The following KCNMA1 variants were observed in gnomAD, a reference collection of about 807,000 sequenced individuals.
KCNMA1 encodes the protein Calcium-activated potassium channel subunit alpha-1.
In KCNMA1, 29 loss-of-function variants were observed where a neutral mutation model predicts 140.0. The observed-to-expected ratio is 0.21, with a 90% CI of 0.15 to 0.28. KCNMA1 has a LOEUF of 0.28. Ranked by LOEUF, KCNMA1 falls within the 10% of genes least tolerant of loss-of-function variation. KCNMA1 has a pLI of 1.00. For synonymous variants in KCNMA1, 612 were observed against 611.9 expected (o/e 1.00, Z 0.00); for missense variants, 880 against 1,602.2 (o/e 0.55, Z 7.70).
chr10:77,171,406 T>TGTGTGTGC lies in KCNMA1; in HGVS notation c.808+12014_808+12015insGCACACAC, dbSNP rs979384007. 2.8e-3 allele frequency among the ~76,000 whole-genome samples: 121 copies of TGTGTGTGC among 42,554 alleles called. 4 individuals carry two copies. In the South Asian group the frequency reaches 0.12, roughly 41 times the overall value. The allele number at this position is 42,554 out of a possible 152,430, so 27.9% of individuals were successfully genotyped here. The stretch of plus-strand genomic sequence containing the variant: ...GTGTGCGTGTGTGTGTGTGCGTGTG[T>TGTGTGTGC]GTGTGTGTGTGTGTGTGTGTGTGTG... On this transcript the variant is annotated intron_variant, in intron 5 of 27. Transcript: ENST00000286628.
In KCNMA1 at chr10:77,510,807, TA is replaced by T. The variant is rs573421982; in HGVS notation, c.379-106785del. 1.3e-3 allele frequency among the ~76,000 whole-genome samples: 196 copies of T among 151,944 alleles called. 1 individual carries two copies. The highest frequency in any genetic ancestry group is 4.1e-3 in the African/African-American group (168 of 41,454). Reference sequence around the variant, plus strand: ...GAAAGGCCCTGCTTCTTTAGAAAAATAAAAAAGGAGAAACCTATGTTTCTGA... The same window carrying T: ...GAAAGGCCCTGCTTCTTTAGAAAAATAAAAAGGAGAAACCTATGTTTCTGA... On this transcript the variant is annotated intron_variant, in intron 1 of 27. Transcript: ENST00000286628.
In KCNMA1 at chr10:77,326,157, C is replaced by T. The variant is rs145890220; in HGVS notation, c.541-74901G>A. Among the ~76,000 whole-genome samples, 312 of 152,278 alleles carry T rather than the reference C, an allele frequency of 2.0e-3. 1 individual carries two copies. The highest frequency in any genetic ancestry group is 7.0e-3 in the African/African-American group (291 of 41,552). On this transcript the variant is annotated intron_variant, in intron 2 of 27. Coordinates refer to ENST00000286628, the MANE Select transcript of KCNMA1 (RefSeq NM_001161352.2). ...TCTACAAATTGTCCCTGAGTCTAACCCACAACTTCCCTCACTGCAAAAATC... is the reference window on the plus strand; with the variant it reads ...TCTACAAATTGTCCCTGAGTCTAACTCACAACTTCCCTCACTGCAAAAATC...
At chr10:77,425,967 C>T (rs1402489102) in intron 1 of KCNMA1, among the ~76,000 whole-genome samples, 1 of 152,148 alleles carries the variant, frequency 6.6e-6, no homozygotes, top group Non-Finnish European at 1.5e-5. Flanking sequence ...CATCTCCAGA[C>T]CCCAGTACAA....
chr10:76,920,600 G>A (rs1417971558), intron 23 of KCNMA1, among the ~76,000 whole-genome samples: 1 of 152,158 alleles, frequency 6.6e-6, no homozygotes, highest in East Asian at 1.9e-4. Flanking sequence ...CAGTCCCTGT[G>A]TGTTTAGGGA....
intron 3 of KCNMA1, among the ~76,000 whole-genome samples, chr10:77,241,703 C>T (rs950440843): frequency 1.3e-5 from 2 of 152,014 alleles, no homozygotes; most frequent in Non-Finnish European, 2.9e-5. Flanking sequence ...ATCCCAACTA[C>T]TCAGGAGACT....
intron 1 of KCNMA1, among the ~76,000 whole-genome samples, chr10:77,597,265 C>T (rs2081212517): frequency 6.6e-6 from 1 of 152,104 alleles, no homozygotes; most frequent in African/African-American, 2.4e-5. Flanking sequence ...TAGATCTCAT[C>T]TCTCCTGCCT....
chr10:77,181,108 C>T (rs1384616917), intron 5 of KCNMA1, among the ~76,000 whole-genome samples: 2 of 152,188 alleles, frequency 1.3e-5, no homozygotes, highest in East Asian at 3.9e-4. Flanking sequence ...GCCCTTCCAT[C>T]ACCCAGGCCC....
At chr10:76,884,234 C>T (rs948356116), downstream of KCNMA1, 6 of 152,130 alleles carry the variant, frequency 3.9e-5, no homozygotes, top group African/African-American at 1.4e-4. Flanking sequence ...ACCATCAGCT[C>T]CCAGATAACT....
At position 77,267,393 on chromosome 10, in the gene KCNMA1, T is replaced by A. The variant is rs534962677; in HGVS notation, c.541-16137A>T. ...GCCCTGTATAAGAGGCAGAGCTTAG[T>A]CTCAAATCCAGGTCGGACTCCCTGC... On this transcript the variant is annotated intron_variant, in intron 2 of 27. Coordinates refer to ENST00000286628, the MANE Select transcript of KCNMA1 (RefSeq NM_001161352.2). 3.3e-5 allele frequency among the ~76,000 whole-genome samples: 5 copies of A among 152,302 alleles called. No individual in the cohort carries two copies. In the East Asian group the frequency reaches 9.7e-4, roughly 29 times the overall value.
chr10:77,597,259 T>A (rs1181673105), intron 1 of KCNMA1, among the ~76,000 whole-genome samples: 1 of 152,110 alleles, frequency 6.6e-6, no homozygotes, highest in African/African-American at 2.4e-5. Flanking sequence ...AAGATATAGA[T>A]CTCATCTCTC....
At chr10:77,427,376 C>A (rs181054657) in intron 1 of KCNMA1, among the ~76,000 whole-genome samples, 1 of 152,194 alleles carries the variant, frequency 6.6e-6, no homozygotes, top group African/African-American at 2.4e-5. Context: ...TGTTATTGGA[C>A]GGGTTCTTAA....
intron 2 of KCNMA1, among the ~76,000 whole-genome samples, chr10:77,382,278 T>C (rs1210353455): frequency 6.6e-6 from 1 of 152,214 alleles, no homozygotes; most frequent in Non-Finnish European, 1.5e-5. Context: ...AGGTGATCCT[T>C]GTTCAACTCC....
intron 1 of KCNMA1, among the ~76,000 whole-genome samples, chr10:77,425,796 G>T (rs2096974467): frequency 6.6e-6 from 1 of 152,180 alleles, no homozygotes; most frequent in Non-Finnish European, 1.5e-5. Flanking sequence ...TCTCTGCTAG[G>T]TGACACATCC....
chr10:77,149,882 G>A (rs950611068), intron 5 of KCNMA1: 1 of 152,178 alleles, frequency 6.6e-6, no homozygotes, highest in Non-Finnish European at 1.5e-5. Context: ...TAGTGGTCAT[G>A]TGGCAGCAGA....
At chr10:77,295,674 G>T (rs1422721796) in intron 2 of KCNMA1, among the ~76,000 whole-genome samples, 3 of 149,542 alleles carry the variant, frequency 2.0e-5, no homozygotes, top group Non-Finnish European at 3.0e-5. Context: ...CCAGCTACTC[G>T]GGAGGCTGAG....
intron 9 of KCNMA1, among the ~76,000 whole-genome samples, chr10:77,101,404 CTTGAA>C (rs2097094659): frequency 6.6e-6 from 1 of 152,176 alleles, no homozygotes; most frequent in Non-Finnish European, 1.5e-5. Context: ...GTTCTGTCAA[CTTGAA>C]TTATCTATTT....
intron 1 of KCNMA1, among the ~76,000 whole-genome samples, chr10:77,449,592 T>C (rs913453241): frequency 1.3e-5 from 2 of 152,074 alleles, no homozygotes; most frequent in African/African-American, 4.8e-5. Context: ...ATGTTTACCA[T>C]ATGTGTTACT....
chr10:77,608,357 A>C (rs1449979153), intron 1 of KCNMA1, among the ~76,000 whole-genome samples: 1 of 152,014 alleles, frequency 6.6e-6, no homozygotes. Flanking sequence ...TATTTTTCGT[A>C]GAGATGGAGT....
intron 5 of KCNMA1, among the ~76,000 whole-genome samples, chr10:77,152,278 TTGTGTG>T (rs72088425): frequency 1.6e-3 from 162 of 99,182 alleles, no homozygotes; most frequent in African/African-American, 5.1e-3. Flanking sequence ...TTTTTTGCTT[TTGTGTG>T]TGTGTGTGTG....
Sources: gnomAD v4.1 joint callset for allele counts (sites outside exome capture counted in the v4.1 genomes callset) on GRCh38, gnomAD v4.1.1 for gene constraint, MANE v1.5 for transcripts, NCBI Gene and HGNC (gene_info 2026-07-23, HGNC 2026-07-21) for gene names.